The following THRB variants were observed in gnomAD, a reference collection of about 807,000 sequenced individuals.
THRB encodes thyroid hormone receptor beta.
In THRB, 12 loss-of-function variants were observed where a neutral mutation model predicts 47.8. That is an observed-to-expected ratio of 0.25 (90% CI 0.16 to 0.41). The LOEUF is 0.41. THRB is among the 10% of genes least tolerant of loss of function. The pLI, the probability that THRB is intolerant of heterozygous loss-of-function variation, is 1.00. For missense variants in THRB, 348 were observed against 589.2 expected (o/e 0.59, Z 4.24); for synonymous variants, 218 against 212.2 (o/e 1.03, Z -0.24).
intron 1 of THRB, among the ~76,000 whole-genome samples, chr3:24,387,503 T>C (rs2066220371): frequency 1.3e-5 from 2 of 152,182 alleles, no homozygotes; most frequent in South Asian, 4.1e-4. Context: ...ACACTTCTGA[T>C]CACCCCTGTG....
intron 3 of THRB, among the ~76,000 whole-genome samples, chr3:24,283,488 G>A (rs1247473871): frequency 1.3e-5 from 2 of 151,406 alleles, no homozygotes; most frequent in South Asian, 2.1e-4. Flanking sequence ...TACTGAATGG[G>A]CAAAAACTGG....
rs7649050 is a variant in THRB, at chr3:24,368,944, T to C, written c.-260-31573A>G. ...GGTTCGGAGGGGAGAGATCAGGTTA[T>C]AAACAGTGATCATATATTACTTGTT... On this transcript the variant is annotated intron_variant, in intron 1 of 10. Transcript: ENST00000646209. 4.9e-3 allele frequency among the ~76,000 whole-genome samples: 744 copies of C among 152,314 alleles called. 5 individuals are homozygous for C. Among genetic ancestry groups the C allele is most frequent in the African/African-American group, 0.017 (713 of 41,580 alleles).
At chr3:24,180,933 G>A (rs1252162397) in intron 5 of THRB, among the ~76,000 whole-genome samples, 1 of 152,164 alleles carries the variant, frequency 6.6e-6, no homozygotes, top group East Asian at 1.9e-4. Flanking sequence ...AAGGATGTAA[G>A]TCAGTACTGG....
At chr3:24,495,347 G>A (rs1698872771), upstream of THRB, 1 of 152,888 alleles carries the variant, frequency 6.5e-6, no homozygotes, top group Non-Finnish European at 1.5e-5. Flanking sequence ...TGCCCAGCCG[G>A]TACAGACGCC....
intron 2 of THRB, among the ~76,000 whole-genome samples, chr3:24,325,405 G>C (rs1331121368): frequency 6.6e-6 from 1 of 152,206 alleles, no homozygotes. Context: ...AGCAAGGAGA[G>C]GCCGGGTGCA....
chr3:24,464,815 T>C (rs1294232494), intron 1 of THRB, among the ~76,000 whole-genome samples: 1 of 152,232 alleles, frequency 6.6e-6, no homozygotes, highest in Admixed American at 6.5e-5. Context: ...CCAACCAAAA[T>C]CTAAAGAAAA....
intron 1 of THRB, among the ~76,000 whole-genome samples, chr3:24,388,356 C>T (rs1280309002): frequency 3.3e-5 from 5 of 152,288 alleles, no homozygotes; most frequent in Admixed American, 6.5e-5. Context: ...ATTCCTACCA[C>T]AGACAGCTAT....
chr3:24,154,079 T>C (rs1427379117), intron 5 of THRB, among the ~76,000 whole-genome samples: 1 of 152,190 alleles, frequency 6.6e-6, no homozygotes, highest in Non-Finnish European at 1.5e-5. Flanking sequence ...TTTAGAAAAA[T>C]GTTCCTTCTT....
chr3:24,303,490 C>A (rs900534046), intron 2 of THRB, among the ~76,000 whole-genome samples: 1 of 152,210 alleles, frequency 6.6e-6, no homozygotes, highest in African/African-American at 2.4e-5. Context: ...AGACACCAGA[C>A]ACGTGAGCAT....
intron 1 of THRB, among the ~76,000 whole-genome samples, chr3:24,388,939 A>G (rs1210786248): frequency 3.9e-5 from 6 of 152,200 alleles, no homozygotes; most frequent in African/African-American, 1.2e-4. Flanking sequence ...GTTGGTGGAC[A>G]TAGCAGCTGT....
At chr3:24,460,155 A>G (rs1331962768) in intron 1 of THRB, among the ~76,000 whole-genome samples, 1 of 152,220 alleles carries the variant, frequency 6.6e-6, no homozygotes, top group Non-Finnish European at 1.5e-5. Flanking sequence ...AGAATGTATT[A>G]TCTGGTGAAC....
chr3:24,181,604 C>T (rs894938259), intron 5 of THRB, among the ~76,000 whole-genome samples: 1 of 152,180 alleles, frequency 6.6e-6, no homozygotes, highest in Non-Finnish European at 1.5e-5. Flanking sequence ...AGGGTCAGCC[C>T]TTGACAAACA....
intron 3 of THRB, among the ~76,000 whole-genome samples, chr3:24,280,698 A>T (rs2054480325): frequency 6.6e-6 from 1 of 152,164 alleles, no homozygotes; most frequent in Non-Finnish European, 1.5e-5. Flanking sequence ...AAAAAAACTT[A>T]GAAGAATGTA....
At chr3:24,247,570 C>T (rs1020579361) in intron 3 of THRB, among the ~76,000 whole-genome samples, 18 of 152,168 alleles carry the variant, frequency 1.2e-4, no homozygotes, top group Admixed American at 5.2e-4. Flanking sequence ...CTGCATCTTG[C>T]AAGAATAATA....
intron 1 of THRB, among the ~76,000 whole-genome samples, chr3:24,448,480 C>A (rs1577647402): frequency 6.6e-6 from 1 of 152,124 alleles, no homozygotes; most frequent in East Asian, 1.9e-4. Flanking sequence ...CACTTGCTAT[C>A]AATTAGGAAA....
chr3:24,227,228 C>A (rs1274779436), intron 4 of THRB, among the ~76,000 whole-genome samples: 1 of 152,152 alleles, frequency 6.6e-6, no homozygotes, highest in African/African-American at 2.4e-5. Flanking sequence ...GAATACTGTC[C>A]CTCCATTTTG....
chr3:24,315,515 A>C (rs551319331), intron 2 of THRB, among the ~76,000 whole-genome samples: 65 of 152,318 alleles, frequency 4.3e-4, no homozygotes, highest in African/African-American at 1.5e-3. Context: ...CCAGGCAAAC[A>C]GCTCACTACT....
In THRB at chr3:24,368,655, T is replaced by C. The variant is rs140533748; in HGVS notation, c.-260-31284A>G. ...ATTTCCTTTCCTCTAAGTACGTGTGTCCTTTACCACAGAAGCCAATGAAGG... is the reference window on the plus strand; with the variant it reads ...ATTTCCTTTCCTCTAAGTACGTGTGCCCTTTACCACAGAAGCCAATGAAGG... On this transcript the variant is annotated intron_variant, in intron 1 of 10. Coordinates refer to ENST00000646209, the MANE Select transcript of THRB (RefSeq NM_001354712.2). Among the ~76,000 whole-genome samples the C allele has an allele frequency of 4.9e-4, 74 of 152,300 alleles. No individual in the cohort carries two copies. In the East Asian group the frequency reaches 0.01, roughly 21 times the overall value.
chr3:24,323,568 G>T (rs1237463668), intron 2 of THRB, among the ~76,000 whole-genome samples: 1 of 152,190 alleles, frequency 6.6e-6, no homozygotes, highest in African/African-American at 2.4e-5. Context: ...TGGGGCCAAT[G>T]CTTCTAGCCA....
Sources: gnomAD v4.1 joint callset for allele counts (sites outside exome capture counted in the v4.1 genomes callset) on GRCh38, gnomAD v4.1.1 for gene constraint, MANE v1.5 for transcripts, NCBI Gene and HGNC (gene_info 2026-07-23, HGNC 2026-07-21) for gene names.